Variants in DLC1 observed in about 807,000 individuals in gnomAD.
The protein encoded by DLC1 is rho GTPase-activating protein 7.
Under a neutral mutation model 140.3 loss-of-function variants are expected in DLC1, and 54 were observed. That is an observed-to-expected ratio of 0.38 (90% CI 0.31 to 0.48). The LOEUF is 0.48. Among genes scored for constraint, DLC1 ranks in the 20% least tolerant of loss-of-function variants. The pLI, the probability that DLC1 is intolerant of heterozygous loss-of-function variation, is 0.96. For missense variants in DLC1, 2,536 were observed against 1,907.0 expected (o/e 1.33, Z -6.14); for synonymous variants, 986 against 728.1 (o/e 1.35, Z -5.70).
intron 4 of DLC1, among the ~76,000 whole-genome samples, chr8:13,321,483 A>C (rs1218606037): frequency 2.4e-5 from 3 of 126,728 alleles, no homozygotes; most frequent in Non-Finnish European, 3.2e-5. Flanking sequence ...AGTTGCAGTG[A>C]GCTGAGATCG....
chr8:13,483,053 A>G (rs537655588), intron 2 of DLC1, among the ~76,000 whole-genome samples: 12 of 152,284 alleles, frequency 7.9e-5, no homozygotes, highest in African/African-American at 2.2e-4. Flanking sequence ...TGCTTTTCTC[A>G]GAAGGCTCTA....
chr8:13,474,870 C>T (rs191077596), intron 2 of DLC1, among the ~76,000 whole-genome samples: 2 of 152,334 alleles, frequency 1.3e-5, no homozygotes, highest in East Asian at 1.9e-4. Flanking sequence ...AAGTAACTAA[C>T]TTGCTTTTGA....
Position 13,588,333 on chromosome 8 carries a change from G to T in DLC1, c.-126+16204C>A, listed in dbSNP as rs529047178. ...CCGAAGAGAGAGAATCCAGGAAAGG[G>T]AGAGGTTTGTCAGAATGAGGAGGAA... On this transcript the variant is annotated intron_variant, in intron 1 of 1. Transcript: ENST00000631382. Among the ~76,000 whole-genome samples the T allele has an allele frequency of 3.9e-5, 6 of 152,248 alleles. No individual in the cohort carries two copies. The South Asian group carries it at 1.2e-3, about 32-fold the overall frequency.
rs543406209 is a variant in DLC1 at position 13,358,034 on chromosome 8, G to A, written c.1314+35519C>T. 5.7e-4 allele frequency among the ~76,000 whole-genome samples: 87 copies of A among 151,852 alleles called. 1 individual carries two copies. The highest frequency in any genetic ancestry group is 1.2e-3 in the Admixed American group (18 of 15,230). On this transcript the variant is annotated intron_variant, in intron 4 of 17. Transcript: ENST00000276297. The stretch of plus-strand genomic sequence containing the variant: ...GATAGATAAAACTGTATAAAATTAG[G>A]GTATTATCTTCAAAAGAGATGAAAA...
intron 2 of DLC1, among the ~76,000 whole-genome samples, chr8:13,426,372 CAT>C (rs1315061447): frequency 7.9e-5 from 12 of 152,304 alleles, no homozygotes; most frequent in East Asian, 3.9e-4. Flanking sequence ...CATAGATGCA[CAT>C]GTTTTTATTA....
intron 2 of DLC1, among the ~76,000 whole-genome samples, chr8:13,485,763 C>G (rs768759561): frequency 6.6e-6 from 1 of 152,160 alleles, no homozygotes; most frequent in Non-Finnish European, 1.5e-5. Context: ...ATTTAGGATT[C>G]CAATAACTAT....
chr8:13,489,449 A>AC lies in DLC1; in HGVS notation c.1023+9599_1023+9600insG, dbSNP rs56002951. 5.4e-3 allele frequency among the ~76,000 whole-genome samples: 806 copies of AC among 150,006 alleles called. 6 individuals carry two copies. The highest frequency in any genetic ancestry group is 0.018 in the African/African-American group (743 of 40,888). ...CACACACACACACACACACACACACAAAATGTTGCTACTATTAAGAATAGC... is the reference window on the plus strand; with the variant it reads ...CACACACACACACACACACACACACACAAATGTTGCTACTATTAAGAATAGC... On this transcript the variant is annotated intron_variant, in intron 2 of 17. Coordinates refer to ENST00000276297, the MANE Select transcript of DLC1 (RefSeq NM_182643.3).
At chr8:13,467,637 G>A (rs957914407) in intron 2 of DLC1, among the ~76,000 whole-genome samples, 27 of 152,192 alleles carry the variant, frequency 1.8e-4, no homozygotes, top group Non-Finnish European at 3.7e-4. Flanking sequence ...AGGTTGAGGT[G>A]AGAGGATTGC....
At chr8:13,194,492 G>A (rs948655959) in intron 5 of DLC1, among the ~76,000 whole-genome samples, 2 of 152,216 alleles carry the variant, frequency 1.3e-5, no homozygotes, top group African/African-American at 4.8e-5. Flanking sequence ...CTGGTGAACT[G>A]TGTATCCTGG....
intron 2 of DLC1, among the ~76,000 whole-genome samples, chr8:13,488,024 T>G (rs971345591): frequency 1.3e-5 from 2 of 152,224 alleles, no homozygotes; most frequent in Non-Finnish European, 2.9e-5. Flanking sequence ...TTTCTAATTA[T>G]GCCTAAGGCC....
intron 2 of DLC1, among the ~76,000 whole-genome samples, chr8:13,490,264 G>A (rs919961953): frequency 6.6e-6 from 1 of 152,216 alleles, no homozygotes; most frequent in African/African-American, 2.4e-5. Flanking sequence ...AAAAATTGAA[G>A]AGGTTCGTTA....
At chr8:13,400,450 T>C (rs1165845111) in intron 3 of DLC1, among the ~76,000 whole-genome samples, 2 of 152,206 alleles carry the variant, frequency 1.3e-5, no homozygotes, top group African/African-American at 4.8e-5. Context: ...ACCTTTACAC[T>C]ACAAAGTTCA....
intron 1 of DLC1, among the ~76,000 whole-genome samples, chr8:13,594,209 A>G (rs1585313724): frequency 6.6e-6 from 1 of 152,212 alleles, no homozygotes; most frequent in East Asian, 1.9e-4. Context: ...ATAAAACCTG[A>G]ATAAGAATAA....
intron 5 of DLC1, among the ~76,000 whole-genome samples, chr8:13,199,051 A>T (rs1247754793): frequency 1.3e-5 from 2 of 151,992 alleles, no homozygotes; most frequent in East Asian, 3.9e-4. Context: ...TTCCACAAAC[A>T]TTTGCATGTA....
Position 13,567,428 on chromosome 8 carries a change from G to C in DLC1, c.-126+37109C>G, listed in dbSNP as rs771614677. The stretch of plus-strand genomic sequence containing the variant: ...GATTCTAAGAAGAAGACGAGCAGCA[G>C]ACATAAAAAGCTGCATCTTGGATTG... On this transcript the variant is annotated intron_variant, in intron 1 of 1. Coordinates refer to the DLC1 transcript ENST00000631382. The C allele has an allele frequency of 3.2e-6, 5 of 1,551,962 alleles. No homozygotes were observed. The South Asian group carries it at 4.8e-5, about 15-fold the overall frequency.
chr8:13,303,698 A>C (rs972870898), intron 5 of DLC1, among the ~76,000 whole-genome samples: 1 of 152,150 alleles, frequency 6.6e-6, no homozygotes, highest in Non-Finnish European at 1.5e-5. Context: ...GCTACTCAGG[A>C]GGCTGAGGCA....
chr8:13,235,724 A>G (rs190768003), intron 5 of DLC1, among the ~76,000 whole-genome samples: 1 of 152,198 alleles, frequency 6.6e-6, no homozygotes, highest in African/African-American at 2.4e-5. Context: ...TTCCTAAGAA[A>G]TGGAGCCAGA....
chr8:13,119,722 T>C (rs1390436818), intron 5 of DLC1, among the ~76,000 whole-genome samples: 1 of 151,822 alleles, frequency 6.6e-6, no homozygotes, highest in Non-Finnish European at 1.5e-5. Flanking sequence ...GAGGCCTAGG[T>C]GGGAGTATCA....
At chr8:13,212,773 A>G (rs959492843) in intron 5 of DLC1, among the ~76,000 whole-genome samples, 1 of 152,154 alleles carries the variant, frequency 6.6e-6, no homozygotes, top group Non-Finnish European at 1.5e-5. Context: ...TCTCTGTGAT[A>G]TGTAAAGCAT....
Sources: allele counts gnomAD v4.1 joint callset (sites outside exome capture counted in the v4.1 genomes callset), GRCh38; gene constraint gnomAD v4.1.1; transcripts MANE v1.5; gene names NCBI Gene and HGNC (gene_info 2026-07-23, HGNC 2026-07-21).